DHX32: variants seen among roughly 807,000 people sequenced by gnomAD.
DHX32 encodes DEAH-box helicase 32 (putative), also known as putative pre-mRNA-splicing factor ATP-dependent RNA helicase DHX32.
Under a neutral mutation model 70.0 loss-of-function variants are expected in DHX32, and 51 were observed. That is an observed-to-expected ratio of 0.73 (90% CI 0.58 to 0.92). DHX32 has a LOEUF of 0.92. DHX32 is among the 40% of genes least tolerant of loss of function. DHX32 has a pLI of 0.00. For missense variants in DHX32, 762 were observed against 891.8 expected (o/e 0.85, Z 1.85); for synonymous variants, 310 against 315.3 (o/e 0.98, Z 0.18).
At chr10:125,885,225 C>T (rs555376191), upstream of DHX32, among the ~76,000 whole-genome samples, 1 of 152,248 alleles carries the variant, frequency 6.6e-6, no homozygotes, top group African/African-American at 2.4e-5. Flanking sequence ...TTTTCTCTAT[C>T]TTAAATCCCA....
rs1205667190 is a variant in DHX32 at position 125,866,284 on chromosome 10, T to C, written c.476+706A>G. On this transcript the variant is annotated intron_variant, in intron 2 of 10. Coordinates refer to ENST00000284690, the MANE Select transcript of DHX32 (RefSeq NM_018180.3). This position sits in a 1 kb window ranked among gnomAD's most constrained non-coding sequence, Gnocchi z 4.8. ...GATTTTTCCAGTTTCTTTTTCCTTT[T>C]TTTTCTTCTTTCAAGCTCTTGGAAA... Among the ~76,000 whole-genome samples the C allele has an allele frequency of 1.3e-5, 2 of 152,238 alleles. No individual in the cohort carries two copies. Among genetic ancestry groups the C allele is most frequent in the Non-Finnish European group, 2.9e-5 (2 of 68,032 alleles).
chr10:125,852,395 T>G lies in DHX32; in HGVS notation c.1249A>C (p.Lys417Gln). ...EFASKDMTPLKPAEMQEANLT... is the reference protein window; with the variant it reads ...EFASKDMTPLQPAEMQEANLT... ...TTGGCTTCCTGCATTTCTGCTGGCT[T>G]CAGTGGCGTCATGTCTTTGGAGGCA... Residue 417 changes from lysine to glutamine, a missense_variant, in exon 6 of 11, where the codon AAG becomes CAG. Physicochemically the swap from Lys to Gln is moderately conservative, Grantham distance 53 (BLOSUM62 1). Around this residue, in one of 3 missense-constraint regions of DHX32, gnomAD observed 366 missense variants for 402.6 expected, o/e 0.91. Transcript: ENST00000284690. The G allele has an allele frequency of 6.2e-7, 1 of 1,614,208 alleles. No individual in the cohort carries two copies. The highest frequency in any genetic ancestry group is 8.5e-7 in the Non-Finnish European group (1 of 1,180,034).
rs756157234 is a variant in DHX32 at position 125,841,032 on chromosome 10, T to G, written c.1544-36A>C. 2.5e-6 allele frequency: 4 copies of G among 1,578,304 alleles called. No homozygotes were observed. In the South Asian group the frequency reaches 4.6e-5, roughly 18 times the overall value. Reference sequence around the variant, plus strand: ...AAAAAGGTCACATGGTTAGCAATAATGAAGACATTTTATCTTAGCCTAACA... The same window carrying G: ...AAAAAGGTCACATGGTTAGCAATAAGGAAGACATTTTATCTTAGCCTAACA... On this transcript the variant is annotated intron_variant, in intron 7 of 10. Transcript: ENST00000284690.
intron 6 of DHX32, among the ~76,000 whole-genome samples, chr10:125,843,552 T>C (rs7915461): frequency 0.92 from 139,137 of 151,910 alleles, 63,810 homozygotes; most frequent in Admixed American, 0.94. Context: ...GTGGAGCTTG[T>C]AGTGAGCCGA....
chr10:125,887,849 A>G (rs987398581), intron 1 of DHX32, among the ~76,000 whole-genome samples: 1 of 152,198 alleles, frequency 6.6e-6, no homozygotes, highest in Non-Finnish European at 1.5e-5. Context: ...GAGATTAGGT[A>G]ACAGTTTATG....
chr10:125,846,007 A>G (rs867268563), intron 6 of DHX32, among the ~76,000 whole-genome samples: 28 of 152,180 alleles, frequency 1.8e-4, no homozygotes, highest in African/African-American at 6.0e-4. Context: ...AGGCCTCAGA[A>G]AGGACTAAGT....
Position 125,840,954 on chromosome 10 carries a change from G to A in DHX32, c.1586C>T (p.Ala529Val), listed in dbSNP as rs140700589. Reference protein sequence around the residue: ...FSHVPHGAEEAALTCWKTFLH... With the variant: ...FSHVPHGAEEVALTCWKTFLH... The stretch of plus-strand genomic sequence containing the variant: ...AAATGTCTTCCAACAAGTCAAGGCA[G>A]CCTCTTCAGCTCCATGTGGCACATG... Residue 529 changes from alanine to valine, a missense_variant, in exon 8 of 11, where the codon GCT becomes GTT. This residue lies in a region of DHX32 where 366 missense variants were observed against 402.6 expected (regional missense o/e 0.91). Coordinates refer to ENST00000284690, the MANE Select transcript of DHX32 (RefSeq NM_018180.3). The A allele has an allele frequency of 2.7e-5, 44 of 1,611,870 alleles. No homozygotes were observed. The highest frequency in any genetic ancestry group is 3.6e-5 in the Non-Finnish European group (42 of 1,178,200).
intron 6 of DHX32, among the ~76,000 whole-genome samples, chr10:125,850,354 C>CTTTTTTTTTTTT (rs765077777): frequency 8.0e-6 from 1 of 124,560 alleles, no homozygotes; most frequent in Non-Finnish European, 1.7e-5. Flanking sequence ...TTCTTTCTTT[C>CTTTTTTTTTTTT]TTTTTTTTTT....
In DHX32 at chr10:125,893,967, A is replaced by G. The variant is rs550789511; in HGVS notation, c.-248+2251T>C. Among the ~76,000 whole-genome samples the G allele has an allele frequency of 2.6e-3, 403 of 152,306 alleles. 2 individuals carry two copies. The highest frequency in any genetic ancestry group is 4.6e-3 in the Non-Finnish European group (312 of 67,996). ...AAGAGATTTAAATAAGAAAAAGACT[A>G]CATCTGTCTCTTCATTGTTACTTTG... is the stretch of plus-strand genomic sequence containing the variant. On this transcript the variant is annotated intron_variant, in intron 1 of 2. Transcript: ENST00000415732.
chr10:125,853,777 G>T, intron 4 of DHX32, 184 bp downstream of exon 4: 1 of 633,156 alleles, frequency 1.6e-6, no homozygotes, highest in Non-Finnish European at 2.5e-6. Context: ...CCTCCAACAT[G>T]CTAATGGAAT....
intron 9 of DHX32, 103 bp from the exon 10 acceptor site, chr10:125,838,490 G>A: frequency 9.1e-7 from 1 of 1,098,412 alleles, no homozygotes; most frequent in Non-Finnish European, 1.2e-6. Context: ...ATACGGGATA[G>A]TTAAAACTAA....
At chr10:125,845,317 T>G (rs1426619883) in intron 6 of DHX32, among the ~76,000 whole-genome samples, 1 of 152,236 alleles carries the variant, frequency 6.6e-6, no homozygotes. Flanking sequence ...TATAACAATC[T>G]TTGGCCTACT....
At chr10:125,864,468 A>G (rs1015165630) in intron 2 of DHX32, among the ~76,000 whole-genome samples, 9 of 152,168 alleles carry the variant, frequency 5.9e-5, no homozygotes, top group Non-Finnish European at 1.2e-4. Flanking sequence ...AAACTAATAC[A>G]TACTTTAATA....
In DHX32 at chr10:125,836,421, A is replaced by C; in HGVS notation, c.*266T>G. ...TCCCATGTGTCTCTGACACATTTAC[A>C]AAATACCAGTTTTTTAAAATTTTGG... On this transcript the variant is annotated 3_prime_UTR_variant, in exon 11 of 11. Transcript: ENST00000284690. 6.9e-7 allele frequency: 1 copy of C among 1,455,032 alleles called. No individual in the cohort carries two copies. The highest frequency in any genetic ancestry group is 9.0e-7 in the Non-Finnish European group (1 of 1,109,568). The allele number at this position is 1,455,032 out of a possible 1,614,324, so 90.1% of individuals were successfully genotyped here.
rs749399718 is a variant in DHX32 at position 125,838,988 on chromosome 10, C to G, written c.1881+13G>C. On this transcript the variant is annotated intron_variant, in intron 9 of 10. Coordinates refer to ENST00000284690, the MANE Select transcript of DHX32 (RefSeq NM_018180.3). ...AGCAGAGCCTATGCTGAGGTGACCC[C>G]ACCCCTTCTCACCTGCATAAAGTAA... 10 of 1,610,982 alleles carry G rather than the reference C, an allele frequency of 6.2e-6. No individual in the cohort carries two copies. Among genetic ancestry groups the G allele is most frequent in the Non-Finnish European group, 8.5e-6 (10 of 1,177,960 alleles).
Position 125,880,716 on chromosome 10 carries a change from C to T in DHX32, c.109G>A (p.Asp37Asn). The T allele has an allele frequency of 6.2e-7, 1 of 1,614,182 alleles. No individual in the cohort carries two copies. The highest frequency in any genetic ancestry group is 8.5e-7 in the Non-Finnish European group (1 of 1,180,034). Reference protein sequence around the residue: ...GDEEEVLACEDLELNPFDGLP... With the variant: ...GDEEEVLACENLELNPFDGLP... Reference sequence around the variant, plus strand: ...CCATCAAAGGGGTTAAGTTCCAAATCCTCACAGGCCAAAACCTCTTCCTCA... The same window carrying T: ...CCATCAAAGGGGTTAAGTTCCAAATTCTCACAGGCCAAAACCTCTTCCTCA... The change falls in exon 1 of 11, where the codon GAT becomes AAT. Residue 37 changes from aspartate to asparagine, a missense_variant. Physicochemically the swap from Asp to Asn is conservative, Grantham distance 23. Around this residue, in one of 3 missense-constraint regions of DHX32, gnomAD observed 394 missense variants for 473.1 expected, o/e 0.83. Coordinates refer to ENST00000284690, the MANE Select transcript of DHX32 (RefSeq NM_018180.3).
upstream of DHX32, among the ~76,000 whole-genome samples, chr10:125,884,311 T>C (rs1414682433): frequency 6.6e-6 from 1 of 152,242 alleles, no homozygotes; most frequent in African/African-American, 2.4e-5. Context: ...GTCTTGGCCT[T>C]TGGCAAATTT....
At chr10:125,893,309 T>C (rs553051511) in intron 1 of DHX32, among the ~76,000 whole-genome samples, 34 of 152,342 alleles carry the variant, frequency 2.2e-4, no homozygotes, top group African/African-American at 7.9e-4. Context: ...AGTGGCCCAA[T>C]CTCGGCTCAC....
Position 125,852,605 on chromosome 10 carries a change from A to G in DHX32, c.1130T>C (p.Met377Thr). The G allele has an allele frequency of 1.2e-6, 2 of 1,613,250 alleles. No individual in the cohort carries two copies. The highest frequency in any genetic ancestry group is 1.7e-6 in the Non-Finnish European group (2 of 1,179,792). Residue 377 changes from methionine (M) to threonine (T), a missense_variant, in exon 5 of 11, where the codon ATG (methionine) becomes ACG (threonine). Physicochemically the swap from Met to Thr is moderately conservative, Grantham distance 81 (BLOSUM62 -1). Around this residue, in one of 3 missense-constraint regions of DHX32, gnomAD observed 394 missense variants for 473.1 expected, o/e 0.83. Transcript: ENST00000284690. ...TGCCTGGCTCTGGCTGATGGGCTGC[A>G]TGACGAGCGAGTTTGCTCTTATTCT... is the stretch of plus-strand genomic sequence containing the variant. ...NPRIRANSLV[M>T]QPISQSQAEI...
Sources: allele counts gnomAD v4.1 joint callset (sites outside exome capture counted in the v4.1 genomes callset), GRCh38; gene constraint gnomAD v4.1.1; regional missense constraint gnomAD v4.1.1; non-coding constraint Gnocchi (gnomAD v3.1); transcripts MANE v1.5; gene names NCBI Gene and HGNC (gene_info 2026-07-23, HGNC 2026-07-21).